The following CALN1 variants were observed in gnomAD, a reference collection of about 807,000 sequenced individuals.
CALN1 encodes calcium-binding protein 8.
Under a neutral mutation model 30.6 loss-of-function variants are expected in CALN1, and 17 were observed. The observed-to-expected ratio is 0.56, with a 90% CI of 0.38 to 0.83. The LOEUF is 0.83. Among genes scored for constraint, CALN1 ranks in the 40% least tolerant of loss-of-function variants. CALN1 has a pLI of 0.00. For synonymous variants in CALN1, 156 were observed against 131.4 expected (o/e 1.19, Z -1.28); for missense variants, 291 against 354.9 (o/e 0.82, Z 1.45).
At chr7:72,095,062 T>C (rs1298999101) in intron 4 of CALN1, among the ~76,000 whole-genome samples, 1 of 152,092 alleles carries the variant, frequency 6.6e-6, no homozygotes, top group Non-Finnish European at 1.5e-5. Flanking sequence ...CTATATCCAC[T>C]AAAATTGCAA....
At chr7:72,045,711 G>A (rs142843617) in intron 4 of CALN1, among the ~76,000 whole-genome samples, 11 of 152,004 alleles carry the variant, frequency 7.2e-5, no homozygotes, top group East Asian at 3.9e-4. Context: ...TAATTTTTTC[G>A]TAGAGAGACC....
chr7:71,993,198 G>A (rs1397528999), intron 5 of CALN1, among the ~76,000 whole-genome samples: 3 of 152,142 alleles, frequency 2.0e-5, no homozygotes, highest in African/African-American at 7.2e-5. Flanking sequence ...AGAGGCCCAG[G>A]AAGACATATC....
chr7:71,864,926 C>T (rs1222040044), intron 5 of CALN1, among the ~76,000 whole-genome samples: 1 of 152,048 alleles, frequency 6.6e-6, no homozygotes, highest in Non-Finnish European at 1.5e-5. Flanking sequence ...TCTCTTGAGC[C>T]TGGGAGGTGG....
intron 4 of CALN1, among the ~76,000 whole-genome samples, chr7:72,029,484 A>G (rs1049997778): frequency 4.6e-5 from 7 of 152,048 alleles, no homozygotes; most frequent in African/African-American, 1.7e-4. Context: ...GGTGATAGGA[A>G]TGTCTTTTGT....
intron 3 of CALN1, among the ~76,000 whole-genome samples, chr7:72,151,544 C>A (rs951780445): frequency 6.6e-6 from 1 of 152,164 alleles, no homozygotes; most frequent in African/African-American, 2.4e-5. Context: ...TAGACCCACA[C>A]GTCACATTCA....
At chr7:71,900,099 C>A (rs1438390857) in intron 5 of CALN1, among the ~76,000 whole-genome samples, 1 of 152,062 alleles carries the variant, frequency 6.6e-6, no homozygotes, top group African/African-American at 2.4e-5. Context: ...GATGAAAATA[C>A]AAAGGAAAAC....
At chr7:72,322,244 C>T (rs1178419617) in intron 2 of CALN1, among the ~76,000 whole-genome samples, 2 of 152,148 alleles carry the variant, frequency 1.3e-5, no homozygotes, top group Non-Finnish European at 2.9e-5. Flanking sequence ...AGATCCCTTG[C>T]ATGCACAGTT....
chr7:71,802,685 T>C (rs899550641), intron 6 of CALN1, among the ~76,000 whole-genome samples: 11 of 152,302 alleles, frequency 7.2e-5, no homozygotes, highest in South Asian at 2.1e-4. Context: ...CAGGCTATGG[T>C]AATTTTTCCA....
chr7:72,502,020 C>T, the CALN1 span, among the ~76,000 whole-genome samples: 2 of 127,108 alleles, frequency 1.6e-5, no homozygotes, highest in Non-Finnish European at 3.2e-5. Context: ...TATATATATT[C>T]TTTAAATGAT....
chr7:71,964,147 G>C (rs551780037), intron 5 of CALN1, among the ~76,000 whole-genome samples: 2 of 152,148 alleles, frequency 1.3e-5, no homozygotes, highest in Non-Finnish European at 2.9e-5. Flanking sequence ...ATTCCCCTAC[G>C]GATGGACACT....
At chr7:72,187,750 T>C (rs1422256421) in intron 3 of CALN1, among the ~76,000 whole-genome samples, 1 of 152,194 alleles carries the variant, frequency 6.6e-6, no homozygotes, top group Non-Finnish European at 1.5e-5. Context: ...CGTGTATACG[T>C]GTGATTCTTA....
upstream of CALN1, among the ~76,000 whole-genome samples, chr7:72,417,043 T>C (rs1248361424): frequency 6.6e-6 from 1 of 152,226 alleles, no homozygotes; most frequent in African/African-American, 2.4e-5. Flanking sequence ...TTCCCCGGGA[T>C]TCCCATAGAG....
At chr7:72,471,034 C>T in the CALN1 span, among the ~76,000 whole-genome samples, 2 of 152,278 alleles carry the variant, frequency 1.3e-5, no homozygotes, top group East Asian at 3.9e-4. Context: ...TGGCTCACTG[C>T]AGCCTTGAAC....
intron 5 of CALN1, among the ~76,000 whole-genome samples, chr7:71,960,195 AAAAAT>A (rs1378262585): frequency 2.4e-4 from 37 of 151,208 alleles, no homozygotes; most frequent in African/African-American, 8.2e-4. Context: ...AATAAAATAA[AAAAAT>A]AAAATAAAAG....
At chr7:71,955,183 G>A (rs1273618116) in intron 5 of CALN1, among the ~76,000 whole-genome samples, 2 of 152,060 alleles carry the variant, frequency 1.3e-5, no homozygotes, top group African/African-American at 2.4e-5. Context: ...AGAACCAAGC[G>A]AAACGGAAAA....
chr7:71,922,961 G>C (rs1384953824), intron 5 of CALN1, among the ~76,000 whole-genome samples: 1 of 147,614 alleles, frequency 6.8e-6, no homozygotes, highest in Non-Finnish European at 1.5e-5. Flanking sequence ...TACATATATA[G>C]ATCTATGTAT....
intron 4 of CALN1, among the ~76,000 whole-genome samples, chr7:72,063,741 G>A (rs1803825587): frequency 6.6e-6 from 1 of 152,182 alleles, no homozygotes; most frequent in Non-Finnish European, 1.5e-5. Context: ...CATTTTGAGT[G>A]ACAACCTGAC....
the CALN1 span, among the ~76,000 whole-genome samples, chr7:72,492,319 C>T: frequency 2.0e-5 from 3 of 152,324 alleles, no homozygotes; most frequent in Admixed American, 1.3e-4. Flanking sequence ...GAGTTAGTGG[C>T]GTGATCTTGG....
intron 6 of CALN1, among the ~76,000 whole-genome samples, chr7:71,799,993 C>T (rs929415037): frequency 3.3e-5 from 5 of 152,156 alleles, no homozygotes; most frequent in South Asian, 2.1e-4. Flanking sequence ...AGGAGAACTG[C>T]GAACAGATGG....
Sources: allele counts gnomAD v4.1 joint callset (sites outside exome capture counted in the v4.1 genomes callset), GRCh38; gene constraint gnomAD v4.1.1; transcripts MANE v1.5; gene names NCBI Gene and HGNC (gene_info 2026-07-23, HGNC 2026-07-21).